Variants in RNF19A observed in about 807,000 individuals in gnomAD.
RNF19A encodes ring finger protein 19A, RBR E3 ubiquitin protein ligase, also known as E3 ubiquitin-protein ligase RNF19A.
In RNF19A, 32 loss-of-function variants were observed where a neutral mutation model predicts 75.7. The ratio of observed to expected loss-of-function variants is 0.42; its 90% CI spans 0.32 to 0.57. The LOEUF (loss-of-function observed/expected upper bound fraction) is 0.57. Ranked by LOEUF, RNF19A falls within the 20% of genes least tolerant of loss-of-function variation. The pLI, the probability that RNF19A is intolerant of heterozygous loss-of-function variation, is 0.10. For missense variants in RNF19A, 782 were observed against 1,036.3 expected (o/e 0.75, Z 3.37); for synonymous variants, 335 against 345.2 (o/e 0.97, Z 0.33).
intron 1 of RNF19A, among the ~76,000 whole-genome samples, chr8:100,301,974 C>T (rs1586676042): frequency 6.6e-6 from 1 of 152,120 alleles, no homozygotes; most frequent in Admixed American, 6.6e-5. Context: ...CACTGCAAAG[C>T]CCCTAAGGGA....
At chr8:100,312,041 C>G (rs769611634), upstream of RNF19A, among the ~76,000 whole-genome samples, 3 of 152,196 alleles carry the variant, frequency 2.0e-5, no homozygotes, top group Non-Finnish European at 4.4e-5. Flanking sequence ...GTTCTTTCCT[C>G]AAAGCATGCT....
Position 100,299,111 on chromosome 8 carries a change from G to A in RNF19A, c.-94+10756C>T, listed in dbSNP as rs77058623. Among the ~76,000 whole-genome samples the A allele has an allele frequency of 3.4e-3, 521 of 152,146 alleles. 2 individuals are homozygous for A. The highest frequency in any genetic ancestry group is 0.012 in the African/African-American group (485 of 41,512). On this transcript the variant is annotated intron_variant, in intron 1 of 9. Coordinates refer to ENST00000341084, the MANE Select transcript of RNF19A (RefSeq NM_183419.4). ...TGTGTCCCTTGGTTCTCAACAGAAG[G>A]GAAACACTAACCTAGTATTAGATCT...
rs1195269698 is a variant in RNF19A, at chr8:100,269,664, C to CA, written c.1028+204dup. The stretch of plus-strand genomic sequence containing the variant: ...TACTAGCATTCTAGTTTAACAAAAA[C>CA]AAAAAAAGGAAATATCCATTTCCTA... On this transcript the variant is annotated intron_variant, in intron 4 of 9. Coordinates refer to ENST00000341084, the MANE Select transcript of RNF19A (RefSeq NM_183419.4). This position sits in a 1 kb window ranked among gnomAD's most constrained non-coding sequence, Gnocchi z 5.7. 6.6e-6 allele frequency among the ~76,000 whole-genome samples: 1 copy of CA among 151,692 alleles called. No homozygotes were observed. The highest frequency in any genetic ancestry group is 1.5e-5 in the Non-Finnish European group (1 of 67,842).
rs957204091 is a variant in RNF19A, at chr8:100,322,173, A to T, written c.-242-8801T>A. ...AAGCATTGACTTCTCCTCTCTATGA[A>T]GTCCAAATGGCATCTTCTTCCTATA... On this transcript the variant is annotated intron_variant, in intron 1 of 3. Coordinates refer to the RNF19A transcript ENST00000519527. This position sits in a 1 kb window ranked among gnomAD's most constrained non-coding sequence, Gnocchi z 5.1. Among the ~76,000 whole-genome samples, 1 of 152,182 alleles carries T rather than the reference A, an allele frequency of 6.6e-6. No homozygotes were observed. Among genetic ancestry groups the T allele is most frequent in the Non-Finnish European group, 1.5e-5 (1 of 68,034 alleles).
intron 1 of RNF19A, among the ~76,000 whole-genome samples, chr8:100,291,656 A>C (rs920214715): frequency 2.6e-5 from 4 of 152,228 alleles, no homozygotes; most frequent in Non-Finnish European, 5.9e-5. Context: ...AAGTTTGCAT[A>C]CACAGAAAAC....
chr8:100,297,154 A>G (rs756675322), intron 1 of RNF19A, among the ~76,000 whole-genome samples: 10 of 152,246 alleles, frequency 6.6e-5, no homozygotes, highest in Non-Finnish European at 1.2e-4. Flanking sequence ...TCAATTAATA[A>G]TCTATTTAAA....
intron 2 of RNF19A, among the ~76,000 whole-genome samples, chr8:100,276,257 TAAAG>T (rs1820504306): frequency 6.6e-6 from 1 of 152,074 alleles, no homozygotes; most frequent in Non-Finnish European, 1.5e-5. Flanking sequence ...CTACCATCAA[TAAAG>T]AAAGTATTGA....
At chr8:100,328,843 G>T (rs1586703767) in intron 1 of RNF19A, among the ~76,000 whole-genome samples, 1 of 152,292 alleles carries the variant, frequency 6.6e-6, no homozygotes, top group Admixed American at 6.5e-5. Flanking sequence ...AGAAGAAGCA[G>T]GTTATAGACT....
chr8:100,333,080 G>GA lies in RNF19A; in HGVS notation c.-243+3027dup, dbSNP rs59885259. 0.042 allele frequency among the ~76,000 whole-genome samples: 6,194 copies of GA among 148,928 alleles called. 413 individuals are homozygous for GA. Among genetic ancestry groups the GA allele is most frequent in the African/African-American group, 0.14 (5,773 of 40,710 alleles). On this transcript the variant is annotated intron_variant, in intron 1 of 3. Transcript: ENST00000519527. This position sits in a 1 kb window ranked among gnomAD's most constrained non-coding sequence, Gnocchi z 4.7. Reference sequence around the variant, plus strand: ...GTTCCTTCTTACCATTTCTAGTATGGAAAAAAAAAAGAACAAACCTAGGTT... The same window carrying GA: ...GTTCCTTCTTACCATTTCTAGTATGGAAAAAAAAAAAGAACAAACCTAGGTT...
Position 100,287,437 on chromosome 8 carries a change from A to G in RNF19A, c.674+64T>C. The G allele has an allele frequency of 6.7e-7, 1 of 1,503,258 alleles. No individual in the cohort carries two copies. Among genetic ancestry groups the G allele is most frequent in the Non-Finnish European group, 8.9e-7 (1 of 1,122,808 alleles). The allele number at this position is 1,503,258 out of a possible 1,614,324, so 93.1% of individuals were successfully genotyped here. ...TGTAAAAATTTTTCTTTTGAGTAAT[A>G]GCAAATTATTTTATCCACAGAGAAA... On this transcript the variant is annotated intron_variant, in intron 2 of 9. Coordinates refer to ENST00000341084, the MANE Select transcript of RNF19A (RefSeq NM_183419.4). The surrounding 1 kb of genome is among the most constrained non-coding windows in gnomAD (Gnocchi z 4.1).
At chr8:100,279,191 T>G (rs1309195401) in intron 2 of RNF19A, among the ~76,000 whole-genome samples, 1 of 152,196 alleles carries the variant, frequency 6.6e-6, no homozygotes, top group Non-Finnish European at 1.5e-5. Flanking sequence ...AACTTTTTCC[T>G]GAATTATATC....
At chr8:100,305,623 A>G (rs1408627313) in intron 1 of RNF19A, among the ~76,000 whole-genome samples, 2 of 152,252 alleles carry the variant, frequency 1.3e-5, no homozygotes, top group African/African-American at 2.4e-5. Context: ...CTGAAGAGAT[A>G]GTTATAAAAT....
At chr8:100,305,121 G>A (rs1196693111) in intron 1 of RNF19A, among the ~76,000 whole-genome samples, 1 of 152,080 alleles carries the variant, frequency 6.6e-6, no homozygotes, top group African/African-American at 2.4e-5. Context: ...TTTTTTAGTA[G>A]AGGCAGGGTT....
At chr8:100,315,393 T>TG (rs986874520) in intron 1 of RNF19A, among the ~76,000 whole-genome samples, 170 of 152,198 alleles carry the variant, frequency 1.1e-3, no homozygotes, top group African/African-American at 3.4e-3. Context: ...TTTGTTTCAC[T>TG]GGGGGGGAAA....
In RNF19A at chr8:100,284,622, ATT is replaced by A. The variant is rs1465642838; in HGVS notation, c.674+2877_674+2878del. On this transcript the variant is annotated intron_variant, in intron 2 of 9. Transcript: ENST00000341084. The surrounding 1 kb of genome is among the most constrained non-coding windows in gnomAD (Gnocchi z 4.3). ...GCAAGTGTTTCTATTATTTTATGAT[ATT>A]TTATATTTGAGTTAACATTTGAATT... 6.6e-6 allele frequency among the ~76,000 whole-genome samples: 1 copy of A among 152,084 alleles called. No individual in the cohort carries two copies. Among genetic ancestry groups the A allele is most frequent in the African/African-American group, 2.4e-5 (1 of 41,440 alleles).
chr8:100,307,242 A>G (rs771913059), intron 1 of RNF19A, among the ~76,000 whole-genome samples: 2 of 152,222 alleles, frequency 1.3e-5, no homozygotes, highest in Non-Finnish European at 2.9e-5. Context: ...GATTTCCTAT[A>G]TAACCCGAGT....
In RNF19A at chr8:100,317,089, C is replaced by T. The variant is rs371991316; in HGVS notation, c.-242-3717G>A. On this transcript the variant is annotated intron_variant, in intron 1 of 3. Coordinates refer to the RNF19A transcript ENST00000519527. This position sits in a 1 kb window ranked among gnomAD's most constrained non-coding sequence, Gnocchi z 4.3. ...CTGAGTGCGGGGCCTGCCAAGCCCACGCCCACGCCCACCCGGAACTCCAGC... is the reference window on the plus strand; with the variant it reads ...CTGAGTGCGGGGCCTGCCAAGCCCATGCCCACGCCCACCCGGAACTCCAGC... Among the ~76,000 whole-genome samples, 199 of 138,844 alleles carry T rather than the reference C, an allele frequency of 1.4e-3. No individual in the cohort carries two copies. Among genetic ancestry groups the T allele is most frequent in the African/African-American group, 4.8e-3 (190 of 39,658 alleles). 91.1% of individuals were successfully genotyped at this position (138,844 alleles called of 152,430 possible). A position where few individuals can be genotyped will look rare whatever the true frequency, so the allele number is the denominator to read the frequency against.
chr8:100,289,054 C>T (rs1821169097), intron 1 of RNF19A, among the ~76,000 whole-genome samples: 2 of 113,090 alleles, frequency 1.8e-5, no homozygotes, highest in African/African-American at 8.4e-5. Context: ...TGCGAGACTC[C>T]ATCTCAAAAA....
chr8:100,259,905 C>A lies in RNF19A; in HGVS notation c.1775G>T (p.Ser592Ile), dbSNP rs753599442. The change falls in exon 9 of 10, where the codon AGC (serine) becomes ATC (isoleucine). Residue 592 changes from serine to isoleucine, a missense_variant. Ser to Ile is a moderately radical substitution (Grantham distance 142). Transcript: ENST00000341084. The surrounding 1 kb of genome is among the most constrained non-coding windows in gnomAD (Gnocchi z 4.5). ...AATGGATCCTGCCATTGCTTTGGTGCTGGCATTATCACTAACTGTTCCCAA... is the reference window on the plus strand; with the variant it reads ...AATGGATCCTGCCATTGCTTTGGTGATGGCATTATCACTAACTGTTCCCAA... Reference protein sequence around the residue: ...VSLGTVSDNASTKAMAGSILN... With the variant: ...VSLGTVSDNAITKAMAGSILN... 6 of 1,613,766 alleles carry A rather than the reference C, an allele frequency of 3.7e-6. No homozygotes were observed. Among genetic ancestry groups the A allele is most frequent in the Non-Finnish European group, 5.1e-6 (6 of 1,179,700 alleles).
Sources: allele counts gnomAD v4.1 joint callset (sites outside exome capture counted in the v4.1 genomes callset), GRCh38; gene constraint gnomAD v4.1.1; non-coding constraint Gnocchi (gnomAD v3.1); transcripts MANE v1.5; gene names NCBI Gene and HGNC (gene_info 2026-07-23, HGNC 2026-07-21).